Variants in PAX4 observed in about 807,000 individuals in gnomAD.
The protein encoded by PAX4 is paired box 4.
A neutral mutation model predicts 40.6 loss-of-function variants in PAX4; 33 were observed. That is an observed-to-expected ratio of 0.81 (90% CI 0.62 to 1.09). PAX4 has a LOEUF of 1.09. PAX4 is among the 50% of genes least tolerant of loss of function. The pLI, the probability that PAX4 is intolerant of heterozygous loss-of-function variation, is 0.00. For synonymous variants in PAX4, 174 were observed against 170.6 expected (o/e 1.02, Z -0.16); for missense variants, 459 against 442.5 (o/e 1.04, Z -0.33).
At position 127,613,783 on chromosome 7, in the gene PAX4, G is replaced by C; in HGVS notation, c.535C>G (p.Pro179Ala). The change falls in exon 7 of 12, where the codon CCA becomes GCA. Residue 179 changes from proline (P) to alanine (A), a missense_variant. Physicochemically the swap from Pro to Ala is conservative, Grantham distance 27 (BLOSUM62 -1). Transcript: ENST00000639438. ...TGHRNRTIFS[P>A]SQAEALEKEF... is the part of the protein sequence containing the mutation. Reference sequence around the variant, plus strand: ...TTCTCCAGTGCCTCTGCTTGGCTTGGGGAGAAGATAGTCCGATTCCGGTGG... The same window carrying C: ...TTCTCCAGTGCCTCTGCTTGGCTTGCGGAGAAGATAGTCCGATTCCGGTGG... 1 of 1,614,004 alleles carries C rather than the reference G, an allele frequency of 6.2e-7. No individual in the cohort carries two copies. The highest frequency in any genetic ancestry group is 8.5e-7 in the Non-Finnish European group (1 of 1,179,994).
In PAX4 at chr7:127,614,574, G is replaced by T; in HGVS notation, c.361-17C>A. 1 of 1,575,858 alleles carries T rather than the reference G, an allele frequency of 6.3e-7. No individual in the cohort carries two copies. The highest frequency in any genetic ancestry group is 8.6e-7 in the Non-Finnish European group (1 of 1,157,984). On this transcript the variant is annotated splice_polypyrimidine_tract_variant and intron_variant, in intron 5 of 11. Transcript: ENST00000639438. ...GGAGGAGACCTGGGAGTGTCAGGGT[G>T]TTGAGTGGAGAGATGGTGCTCAGAC...
In PAX4 at chr7:127,610,546, A is replaced by AGTGT. The variant is rs36159526; in HGVS notation, c.*514_*517dup. 6.5e-3 allele frequency: 1,320 copies of AGTGT among 204,330 alleles called. 4 individuals carry two copies. The highest frequency in any genetic ancestry group is 0.012 in the African/African-American group (463 of 38,980). 12.7% of individuals were successfully genotyped at this position (204,330 alleles called of 1,614,324 possible). On this transcript the variant is annotated 3_prime_UTR_variant, in exon 12 of 12. Transcript: ENST00000639438. The stretch of plus-strand genomic sequence containing the variant: ...GAATAAAATGCCATGATATAATGTC[A>AGTGT]GTGTGTGTGTGTGTGTGTGTGTGTG...
At position 127,610,410 on chromosome 7, in the gene PAX4, T is replaced by C. The variant is rs1274214786; in HGVS notation, c.*654A>G. On this transcript the variant is annotated 3_prime_UTR_variant, in exon 12 of 12. Coordinates refer to ENST00000639438, the MANE Select transcript of PAX4 (RefSeq NM_001366110.1). ...ACAAAATACATATGACAAAAATACA[T>C]AATTTTCTTAGATTAAGAAGTTACA... The C allele has an allele frequency of 2.5e-5, 4 of 159,072 alleles. No individual in the cohort carries two copies. Among genetic ancestry groups the C allele is most frequent in the Non-Finnish European group, 4.2e-5 (3 of 72,218 alleles). The allele number at this position is 159,072 out of a possible 1,614,324, so 9.9% of individuals were successfully genotyped here. A position where few individuals can be genotyped will look rare whatever the true frequency, so the allele number is the denominator to read the frequency against.
At position 127,613,566 on chromosome 7, in the gene PAX4, C is replaced by T. The variant is rs201126026; in HGVS notation, c.563-34G>A. On this transcript the variant is annotated intron_variant, in intron 7 of 11. Coordinates refer to ENST00000639438, the MANE Select transcript of PAX4 (RefSeq NM_001366110.1). Reference sequence around the variant, plus strand: ...ATCGAGTCTCACAAAGTAAGGGCACCGGGAGAGGAGCAAGGCATGGGTCTC... The same window carrying T: ...ATCGAGTCTCACAAAGTAAGGGCACTGGGAGAGGAGCAAGGCATGGGTCTC... The T allele has an allele frequency of 5.8e-5, 93 of 1,609,734 alleles. 1 individual carries two copies. The highest frequency in any genetic ancestry group is 2.8e-4 in the African/African-American group (21 of 74,936).
rs149708455 is a variant in PAX4, at chr7:127,615,487, G to A, written c.58C>T (p.Arg20Trp). 296 of 1,614,056 alleles carry A rather than the reference G, an allele frequency of 1.8e-4. 1 individual carries two copies. The highest frequency in any genetic ancestry group is 2.4e-4 in the South Asian group (22 of 91,090). ...TGCCGGGTATCCAGAGGCAGGGGCCGGCCATTCACAAAGAGCCCCCCAAGC... is the reference window on the plus strand; with the variant it reads ...TGCCGGGTATCCAGAGGCAGGGGCCAGCCATTCACAAAGAGCCCCCCAAGC... ...NQLGGLFVNG[R>W]PLPLDTRQQI... Residue 20 changes from arginine to tryptophan, a missense_variant, in exon 4 of 12, where the codon CGG becomes TGG. Physicochemically the swap from Arg to Trp is moderately radical, Grantham distance 101. Transcript: ENST00000639438.
chr7:127,610,868 G>A lies in PAX4; in HGVS notation c.*196C>T, dbSNP rs1332351860. On this transcript the variant is annotated 3_prime_UTR_variant, in exon 12 of 12. Coordinates refer to ENST00000639438, the MANE Select transcript of PAX4 (RefSeq NM_001366110.1). ...CTCTTAAGGCTAGTGTGAGAAGTGG[G>A]TGGGTGTTGCTTTACCAGCCCCTCC... 7.1e-6 allele frequency: 11 copies of A among 1,538,896 alleles called. No homozygotes were observed. Among genetic ancestry groups the A allele is most frequent in the South Asian group, 1.2e-5 (1 of 84,060 alleles).
In PAX4 at chr7:127,614,656, C is replaced by A. The variant is rs905039546; in HGVS notation, c.361-99G>T. ...ATATCCTTTTTCCCATCTGTCTCCACCTACACATTGTTCCCAAGGGCAGCC... is the reference window on the plus strand; with the variant it reads ...ATATCCTTTTTCCCATCTGTCTCCAACTACACATTGTTCCCAAGGGCAGCC... On this transcript the variant is annotated intron_variant, in intron 5 of 11. Coordinates refer to ENST00000639438, the MANE Select transcript of PAX4 (RefSeq NM_001366110.1). 36 of 1,183,048 alleles carry A rather than the reference C, an allele frequency of 3.0e-5. No individual in the cohort carries two copies. The Admixed American group carries it at 4.0e-4, about 13-fold the overall frequency. The allele number at this position is 1,183,048 out of a possible 1,614,324, so 73.3% of individuals were successfully genotyped here. A position where few individuals can be genotyped will look rare whatever the true frequency, so the allele number is the denominator to read the frequency against.
Position 127,613,525 on chromosome 7 carries a change from C to G in PAX4, c.570G>C (p.Gln190His), listed in dbSNP as rs1174597557. ...SQAEALEKEF[Q>H]RGQYPDSVAR... is the part of the protein sequence containing the mutation. The stretch of plus-strand genomic sequence containing the variant: ...CCACTGAATCAGGATACTGCCCACG[C>G]TGGAACTCTGCGGAGATCGAGTCTC... The change falls in exon 8 of 12, where the codon CAG becomes CAC. Residue 190 changes from glutamine (Q) to histidine (H), a missense_variant. Physicochemically the swap from Gln to His is conservative, Grantham distance 24 (BLOSUM62 0). Transcript: ENST00000639438. 1.2e-6 allele frequency: 2 copies of G among 1,614,206 alleles called. No individual in the cohort carries two copies.
At chr7:127,614,686 C>A in intron 5 of PAX4, 129 bp from the exon 6 acceptor site, 1 of 1,096,112 alleles carries the variant, frequency 9.1e-7, no homozygotes, top group Non-Finnish European at 1.4e-6. Flanking sequence ...GCAGCCTCCT[C>A]TCTCTCTCTC....
At chr7:127,615,779 A>G in intron 3 of PAX4, 137 bp downstream of exon 3, 2 of 1,514,394 alleles carry the variant, frequency 1.3e-6, no homozygotes, top group Non-Finnish European at 1.8e-6. Flanking sequence ...AGGACAGGGC[A>G]GGAAGGGAGG....
chr7:127,614,394 T>C, intron 6 of PAX4, 88 bp downstream of exon 6: 1 of 1,032,212 alleles, frequency 9.7e-7, no homozygotes, highest in Non-Finnish European at 1.5e-6. Flanking sequence ...GTGAGGGTGA[T>C]CCAAGAAAGA....
rs1460754437 is a variant in PAX4 at position 127,611,156 on chromosome 7, G to C, written c.964C>G (p.Pro322Ala). 6.2e-7 allele frequency: 1 copy of C among 1,605,654 alleles called. No homozygotes were observed. The highest frequency in any genetic ancestry group is 1.7e-5 in the Admixed American group (1 of 58,784). ...NSLDSGLLCL[P>A]CPSSHCHLAS... ...AGGTGACAGTGGGAGGAAGGGCAAG[G>C]AAGGCAAAGCAGTCCTGAGTCCAGG... The change falls in exon 12 of 12, where the codon CCT (proline) becomes GCT (alanine). Residue 322 changes from proline (P) to alanine (A), a missense_variant. Pro to Ala is a conservative substitution (Grantham distance 27). Transcript: ENST00000639438.
chr7:127,611,263 T>A, intron 11 of PAX4, 57 bp from the exon 12 acceptor site: 1 of 1,474,816 alleles, frequency 6.8e-7, no homozygotes, highest in Non-Finnish European at 9.3e-7. Flanking sequence ...CCTCTCAAAG[T>A]CACTATGGGA....
At chr7:127,612,634 G>A (rs984710348) in intron 9 of PAX4, among the ~76,000 whole-genome samples, 3 of 148,100 alleles carry the variant, frequency 2.0e-5, no homozygotes, top group African/African-American at 7.4e-5. Flanking sequence ...TAGATGGGTG[G>A]ATAAATGGGT....
At position 127,614,949 on chromosome 7, in the gene PAX4, G is replaced by A. The variant is rs1364529996; in HGVS notation, c.291C>T (p.Ala97=). ...GGCGTTGGATTTCCCAGGCAAAGAG[G>A]GCTGGACACTCACCCTTCAGCTGGG... The part of the protein sequence containing the change: ...RIAQLKGECP[A]LFAWEIQRQL... The change falls in exon 5 of 12, where the codon GCC becomes GCT. Residue 97 remains alanine (A), a synonymous_variant. Transcript: ENST00000639438. 6 of 1,614,070 alleles carry A rather than the reference G, an allele frequency of 3.7e-6. No homozygotes were observed. Among genetic ancestry groups the A allele is most frequent in the Non-Finnish European group, 5.1e-6 (6 of 1,180,042 alleles).
rs1562960715 is a variant in PAX4, at chr7:127,614,888, T to A, written c.352A>T (p.Thr118Ser). The A allele has an allele frequency of 1.2e-6, 2 of 1,613,528 alleles. No homozygotes were observed. Among genetic ancestry groups the A allele is most frequent in the East Asian group, 4.5e-5 (2 of 44,842 alleles). The change falls in exon 5 of 12, where the codon ACT becomes TCT. Residue 118 changes from threonine (T) to serine (S), a missense_variant. Transcript: ENST00000639438. ...GAGGGAAGGGTACTTACACTGGGAG[T>A]CTTGTCCTGGGTGCAAAGCCCTTCA... is the stretch of plus-strand genomic sequence containing the variant. The part of the protein sequence containing the change: ...CAEGLCTQDK[T>S]PSVSSINRVL...
chr7:127,614,137 T>C (rs1460816146), intron 6 of PAX4, among the ~76,000 whole-genome samples: 2 of 151,942 alleles, frequency 1.3e-5, no homozygotes, highest in African/African-American at 4.8e-5. Flanking sequence ...AGGGGTGTGT[T>C]ATCCCAAAGA....
intron 2 of PAX4, among the ~76,000 whole-genome samples, chr7:127,616,644 T>C (rs1224887695): frequency 6.6e-6 from 1 of 152,248 alleles, no homozygotes; most frequent in African/African-American, 2.4e-5. Flanking sequence ...CGGCTTCTCC[T>C]AGGAGACGCA....
chr7:127,611,963 TGGGGCAACCCTTGGTACAGTCA>T lies in PAX4; in HGVS notation c.731_752del (p.Leu244GlnfsTer41). The T allele has an allele frequency of 2.5e-6, 4 of 1,614,114 alleles. No homozygotes were observed. The highest frequency in any genetic ancestry group is 3.4e-6 in the Non-Finnish European group (4 of 1,180,008). On this transcript the variant is annotated frameshift_variant, in exon 10 of 12. Coordinates refer to ENST00000639438, the MANE Select transcript of PAX4 (RefSeq NM_001366110.1). LOFTEE classifies it high-confidence loss of function. Reference sequence around the variant, plus strand: ...CGAGTACCTGTGCAGAGATGATTCCTGGGGCAACCCTTGGTACAGTCAGCCCCTGGGAAGCACCTATAAAATG... The same window carrying T: ...CGAGTACCTGTGCAGAGATGATTCCTGCCCCTGGGAAGCACCTATAAAATG...
Sources: gnomAD v4.1 joint callset for allele counts (sites outside exome capture counted in the v4.1 genomes callset) on GRCh38, gnomAD v4.1.1 for gene constraint, MANE v1.5 for transcripts, NCBI Gene and HGNC (gene_info 2026-07-23, HGNC 2026-07-21) for gene names.